SCN9A: variants seen among roughly 807,000 people sequenced by gnomAD.
SCN9A encodes the protein sodium voltage-gated channel alpha subunit 9.
In SCN9A, 131 loss-of-function variants were observed where a neutral mutation model predicts 187.0. That is an observed-to-expected ratio of 0.70 (90% CI 0.61 to 0.81). SCN9A has a LOEUF of 0.81. Ranked by LOEUF, SCN9A falls within the 30% of genes least tolerant of loss-of-function variation. SCN9A has a pLI of 0.00. For missense variants in SCN9A, 2,252 were observed against 2,396.6 expected, an observed-to-expected ratio of 0.94 and a Z score of 1.26; for synonymous variants, 809 against 808.6, an observed-to-expected ratio of 1.00 and a Z score of -0.01.
At chr2:166,219,722 C>T (rs1215203030) in intron 24 of SCN9A, among the ~76,000 whole-genome samples, 1 of 151,794 alleles carries the variant, frequency 6.6e-6, no homozygotes, top group Non-Finnish European at 1.5e-5. Context: ...TACCCCTGAA[C>T]TTAAAATAAA....
At chr2:166,256,326 G>A (rs987793222) in intron 17 of SCN9A, among the ~76,000 whole-genome samples, 2 of 150,720 alleles carry the variant, frequency 1.3e-5, no homozygotes, top group Non-Finnish European at 3.0e-5. Flanking sequence ...GGCCCCTTGA[G>A]GTCTCTACAA....
chr2:166,271,743 A>C (rs1696997112), intron 17 of SCN9A, among the ~76,000 whole-genome samples: 1 of 152,066 alleles, frequency 6.6e-6, no homozygotes, highest in South Asian at 2.1e-4. Flanking sequence ...GTGTAGTCCC[A>C]GCAACTCAGG....
chr2:166,206,779 A>G (rs1209548107), intron 24 of SCN9A, among the ~76,000 whole-genome samples: 1 of 152,184 alleles, frequency 6.6e-6, no homozygotes, highest in African/African-American at 2.4e-5. Flanking sequence ...ATGATAATAT[A>G]CATTTCTATA....
At chr2:166,353,005 A>G (rs972403160) in intron 1 of SCN9A, among the ~76,000 whole-genome samples, 9 of 95,388 alleles carry the variant, frequency 9.4e-5, no homozygotes, top group Admixed American at 6.0e-4. Context: ...TTTCCATTGT[A>G]TCTGTTTTTT....
chr2:166,204,004 A>C lies in SCN9A; in HGVS notation c.4725T>G (p.Thr1575=). Residue 1575 remains threonine (T), a synonymous_variant, in exon 26 of 27, where the codon ACT becomes ACG. Transcript: ENST00000642356. ...KLISLRHYYF[T]VGWNIFDFVV... ...CAAAATCAAAAATATTCCATCCTACAGTGAAGTAGTAGTGTCTGAGGGAGA... is the reference window on the plus strand; with the variant it reads ...CAAAATCAAAAATATTCCATCCTACCGTGAAGTAGTAGTGTCTGAGGGAGA... The C allele has an allele frequency of 1.2e-6, 2 of 1,603,580 alleles. No individual in the cohort carries two copies. Among genetic ancestry groups the C allele is most frequent in the Non-Finnish European group, 1.7e-6 (2 of 1,171,258 alleles).
intron 7 of SCN9A, among the ~76,000 whole-genome samples, chr2:166,296,503 G>A (rs1246591145): frequency 6.6e-6 from 1 of 152,152 alleles, no homozygotes; most frequent in African/African-American, 2.4e-5. Flanking sequence ...GTGAGTATGG[G>A]AGAGGATAAG....
chr2:166,319,834 G>A (rs1699195232), intron 1 of SCN9A, among the ~76,000 whole-genome samples: 1 of 152,214 alleles, frequency 6.6e-6, no homozygotes. Flanking sequence ...TTAGTGGTGA[G>A]GGAAAAGTTG....
At chr2:166,287,967 T>C (rs1320031227) in intron 10 of SCN9A, among the ~76,000 whole-genome samples, 2 of 147,498 alleles carry the variant, frequency 1.4e-5, no homozygotes, top group East Asian at 3.9e-4. Flanking sequence ...TACATATATA[T>C]ATTGTATATA....
At chr2:166,207,327 T>A (rs900769223) in intron 24 of SCN9A, among the ~76,000 whole-genome samples, 6 of 146,122 alleles carry the variant, frequency 4.1e-5, no homozygotes, top group African/African-American at 1.7e-4. Context: ...CTTATTTTTT[T>A]AATTGTTTGC....
Position 166,204,209 on chromosome 2 carries a change from C to A in SCN9A, c.4520G>T (p.Cys1507Phe), listed in dbSNP as rs1693681393. ...IPRPGNKIQGCIFDLVTNQAF... is the reference protein window; with the variant it reads ...IPRPGNKIQGFIFDLVTNQAF... Reference sequence around the variant, plus strand: ...TTGATTTGTCACTAGGTCAAATATACATCCTTGGATTTTGTTCTGCAAAGA... The same window carrying A: ...TTGATTTGTCACTAGGTCAAATATAAATCCTTGGATTTTGTTCTGCAAAGA... The change falls in exon 26 of 27, where the codon TGT becomes TTT. Residue 1507 changes from cysteine (C) to phenylalanine (F), a missense_variant. Cys to Phe is a radical substitution (Grantham distance 205, BLOSUM62 -2). Around this residue, in one of 7 missense-constraint regions of SCN9A, gnomAD observed 368 missense variants for 408.6 expected, o/e 0.90. Transcript: ENST00000642356. 3 of 1,610,994 alleles carry A rather than the reference C, an allele frequency of 1.9e-6. No homozygotes were observed. The highest frequency in any genetic ancestry group is 2.5e-6 in the Non-Finnish European group (3 of 1,178,408).
chr2:166,327,420 G>A (rs1179906045), intron 1 of SCN9A, among the ~76,000 whole-genome samples: 2 of 152,156 alleles, frequency 1.3e-5, no homozygotes, highest in African/African-American at 4.8e-5. Context: ...GCCTCCCAAA[G>A]TGCTGGGGTT....
chr2:166,258,620 A>G (rs1696378539), intron 17 of SCN9A, among the ~76,000 whole-genome samples: 1 of 151,652 alleles, frequency 6.6e-6, no homozygotes, highest in African/African-American at 2.4e-5. Context: ...TACTAGAAGC[A>G]GGGTACTTTG....
chr2:166,264,486 AGTGCTATT>A (rs1388885123), intron 17 of SCN9A, among the ~76,000 whole-genome samples: 2 of 152,146 alleles, frequency 1.3e-5, no homozygotes, highest in African/African-American at 2.4e-5. Flanking sequence ...TCTTCAGAGA[AGTGCTATT>A]GTTCTATTTC....
At chr2:166,220,220 C>G (rs181589267) in intron 24 of SCN9A, among the ~76,000 whole-genome samples, 27 of 152,146 alleles carry the variant, frequency 1.8e-4, no homozygotes, top group African/African-American at 5.5e-4. Context: ...TTTCAACAAC[C>G]TTTCATGGTA....
Position 166,340,532 on chromosome 2 carries a change from TTTTCTTTCCCTTTCTTTCTTTCTTTC to T in SCN9A, c.-50-28752_-50-28727del, listed in dbSNP as rs1559050744. Reference sequence around the variant, plus strand: ...TTTCCTTCCTTCCCTCTCTCCTTTCTTTTCTTTCCCTTTCTTTCTTTCTTTCTTTCTTTCTTTCTTTCTTTCTTTCT... The same window carrying T: ...TTTCCTTCCTTCCCTCTCTCCTTTCTTTTCTTTCTTTCTTTCTTTCTTTCT... On this transcript the variant is annotated intron_variant, in intron 1 of 26. Transcript: ENST00000642356. Among the ~76,000 whole-genome samples, 45 of 125,150 alleles carry T rather than the reference TTTTCTTTCCCTTTCTTTCTTTCTTTC, an allele frequency of 3.6e-4. 3 individuals are homozygous for T. Among genetic ancestry groups the T allele is most frequent in the African/African-American group, 1.2e-3 (38 of 32,616 alleles). 82.1% of individuals were successfully genotyped at this position (125,150 alleles called of 152,430 possible).
At chr2:166,304,129 T>C (rs890823116) in intron 6 of SCN9A, 109 bp downstream of exon 6, 1 of 1,613,288 alleles carries the variant, frequency 6.2e-7, no homozygotes, top group Non-Finnish European at 8.5e-7. Flanking sequence ...ATATCTGTAA[T>C]AGGGGAGTTT....
Position 166,311,752 on chromosome 2 carries a change from G to A in SCN9A, c.5C>T (p.Ala2Val). ...CTGAGGTCCTGGGGGAGGCAACATT[G>A]CCATCTTTTCATCCTGTATATTTTA... M[A>V]MLPPPGPQSF... is the part of the protein sequence containing the mutation. The change falls in exon 2 of 27, where the codon GCA (alanine) becomes GTA (valine). Residue 2 changes from alanine (A) to valine (V), a missense_variant. Ala to Val is a moderately conservative substitution (Grantham distance 64, BLOSUM62 0). Around this residue, in one of 7 missense-constraint regions of SCN9A, gnomAD observed 1,013 missense variants for 997.4 expected, o/e 1.02. Coordinates refer to ENST00000642356, the MANE Select transcript of SCN9A (RefSeq NM_001365536.1). The A allele has an allele frequency of 6.3e-7, 1 of 1,599,450 alleles. No individual in the cohort carries two copies. Among genetic ancestry groups the A allele is most frequent in the Non-Finnish European group, 8.5e-7 (1 of 1,170,880 alleles).
At chr2:166,229,028 A>G (rs1346802691) in intron 21 of SCN9A, 56 bp from the exon 22 acceptor site, 3 of 1,368,796 alleles carry the variant, frequency 2.2e-6, no homozygotes, top group South Asian at 1.3e-5. Context: ...TTAAATAGGC[A>G]ACATGAAAGA....
chr2:166,247,707 G>A (rs956130191), intron 18 of SCN9A, among the ~76,000 whole-genome samples: 8 of 151,994 alleles, frequency 5.3e-5, no homozygotes, highest in African/African-American at 1.9e-4. Context: ...AGTAGAAACG[G>A]GATTTCACCA....
Sources: gnomAD v4.1 joint callset for allele counts (sites outside exome capture counted in the v4.1 genomes callset) on GRCh38, gnomAD v4.1.1 for gene constraint, gnomAD v4.1.1 regional missense constraint, MANE v1.5 for transcripts, NCBI Gene and HGNC (gene_info 2026-07-23, HGNC 2026-07-21) for gene names.